Variants in ARMC3 observed in about 807,000 individuals in gnomAD.
ARMC3 encodes armadillo repeat-containing protein 3.
Under a neutral mutation model 90.3 loss-of-function variants are expected in ARMC3, and 74 were observed. The observed-to-expected ratio is 0.82, with a 90% CI of 0.68 to 0.99. ARMC3 has a LOEUF of 0.99. Ranked by LOEUF, ARMC3 falls within the 50% of genes least tolerant of loss-of-function variation. The pLI is 0.00. For missense variants in ARMC3, 958 were observed against 1,042.8 expected, an observed-to-expected ratio of 0.92 and a Z score of 1.12; for synonymous variants, 334 against 361.8, an observed-to-expected ratio of 0.92 and a Z score of 0.87.
rs1014974459 is a variant in ARMC3 at position 22,932,009 on chromosome 10, A to G, written c.13A>G (p.Ile5Val). MGKKIKKEVEPPPKD... is the reference protein window; with the variant it reads MGKKVKKEVEPPPKD... ...ATCTTTTTCCAGGATGGGTAAAAAG[A>G]TAAAGAAGGAAGTAGAGCCTCCTCC... is the stretch of plus-strand genomic sequence containing the variant. Residue 5 changes from isoleucine (I) to valine (V), a missense_variant, in exon 2 of 19, where the codon ATA becomes GTA. By Grantham distance (29) the Ile-to-Val change is conservative (BLOSUM62 3). Transcript: ENST00000298032. The G allele has an allele frequency of 6.2e-7, 1 of 1,606,472 alleles. No individual in the cohort carries two copies. The highest frequency in any genetic ancestry group is 1.7e-5 in the Admixed American group (1 of 57,626).
At chr10:22,975,033 G>A (rs1835857572) in intron 8 of ARMC3, among the ~76,000 whole-genome samples, 1 of 152,140 alleles carries the variant, frequency 6.6e-6, no homozygotes, top group Non-Finnish European at 1.5e-5. Flanking sequence ...GTTTCAGTGT[G>A]TGCTGTCAAT....
Position 22,976,256 on chromosome 10 carries a change from C to T in ARMC3, c.917-5084C>T, listed in dbSNP as rs542143174. On this transcript the variant is annotated intron_variant, in intron 8 of 18. Transcript: ENST00000298032. ...CCTCTTTTTCTCCTTTTCTTATCAA[C>T]CTCTTTGACAGATCAGTCCATTTTA... Among the ~76,000 whole-genome samples the T allele has an allele frequency of 1.3e-5, 2 of 152,294 alleles. 1 individual carries two copies. The highest frequency in any genetic ancestry group is 4.1e-4 in the South Asian group (2 of 4,826).
intron 2 of ARMC3, among the ~76,000 whole-genome samples, chr10:22,939,560 T>C (rs879876205): frequency 5.3e-5 from 8 of 152,180 alleles, no homozygotes; most frequent in Admixed American, 2.6e-4. Flanking sequence ...GTTTCTCTAG[T>C]CCTGCCCTAC....
At chr10:23,017,010 A>G (rs1412719008) in intron 16 of ARMC3, among the ~76,000 whole-genome samples, 1 of 152,114 alleles carries the variant, frequency 6.6e-6, no homozygotes, top group African/African-American at 2.4e-5. Flanking sequence ...CTTCTAATTG[A>G]CCTTCCTAGT....
chr10:23,001,911 G>T lies in ARMC3; in HGVS notation c.1426-8G>T, dbSNP rs1049294459. 2.0e-5 allele frequency: 33 copies of T among 1,612,698 alleles called. No individual in the cohort carries two copies. Among genetic ancestry groups the T allele is most frequent in the Non-Finnish European group, 2.6e-5 (31 of 1,179,436 alleles). On this transcript the variant is annotated splice_polypyrimidine_tract_variant and splice_region_variant and intron_variant, in intron 11 of 18. Coordinates refer to ENST00000298032, the MANE Select transcript of ARMC3 (RefSeq NM_173081.5). The stretch of plus-strand genomic sequence containing the variant: ...CTTAATGTGTAACATTTTGGTTTCT[G>T]CTTTTAGTTAAGAAATTCTGGTGGA...
intron 10 of ARMC3, among the ~76,000 whole-genome samples, chr10:22,989,097 C>CA (rs1409225788): frequency 1.2e-4 from 18 of 151,758 alleles, no homozygotes; most frequent in African/African-American, 4.3e-4. Flanking sequence ...GGGGGAGGGG[C>CA]AAAAAAGGTA....
intron 13 of ARMC3, 31 bp from the exon 14 acceptor site, chr10:23,006,853 A>T: frequency 6.3e-7 from 1 of 1,593,272 alleles, no homozygotes; most frequent in Non-Finnish European, 8.6e-7. Flanking sequence ...CCCTGCAGAT[A>T]CTACTTTTTG....
intron 2 of ARMC3, among the ~76,000 whole-genome samples, chr10:22,935,355 T>C (rs1377838021): frequency 1.3e-5 from 2 of 152,302 alleles, no homozygotes; most frequent in Admixed American, 6.5e-5. Context: ...AACACTACTA[T>C]GGACTTTAAA....
chr10:22,929,741 G>C (rs1833859707), intron 1 of ARMC3, among the ~76,000 whole-genome samples: 1 of 152,172 alleles, frequency 6.6e-6, no homozygotes, highest in Non-Finnish European at 1.5e-5. Flanking sequence ...AGTAGAGACA[G>C]AGTTTTGCCA....
At chr10:22,972,786 G>A (rs897558283) in intron 8 of ARMC3, among the ~76,000 whole-genome samples, 3 of 152,058 alleles carry the variant, frequency 2.0e-5, no homozygotes, top group Non-Finnish European at 2.9e-5. Context: ...TAAGTATTAC[G>A]AAAGCTATTT....
chr10:22,971,901 G>A (rs1365835442), intron 8 of ARMC3, among the ~76,000 whole-genome samples: 1 of 152,090 alleles, frequency 6.6e-6, no homozygotes, highest in Non-Finnish European at 1.5e-5. Flanking sequence ...ATGGGCGTGA[G>A]GTGCTATCTC....
rs1564353675 is a variant in ARMC3, at chr10:22,959,537, A to G, written c.500A>G (p.Lys167Arg). ...CTGAGTAGCCCTGACCCGGATGTAA[A>G]GAAGAACTCTATGGAATGCATTTAC... ...RLLSSPDPDV[K>R]KNSMECIYNL... The change falls in exon 6 of 19, where the codon AAG (lysine) becomes AGG (arginine). Residue 167 changes from lysine (K) to arginine (R), a missense_variant. Lys to Arg is a conservative substitution (Grantham distance 26). Transcript: ENST00000298032. 2 of 1,610,490 alleles carry G rather than the reference A, an allele frequency of 1.2e-6. No individual in the cohort carries two copies. The highest frequency in any genetic ancestry group is 1.3e-5 in the African/African-American group (1 of 74,856).
At chr10:23,005,654 T>A (rs893369456) in intron 13 of ARMC3, among the ~76,000 whole-genome samples, 1 of 152,006 alleles carries the variant, frequency 6.6e-6, no homozygotes, top group African/African-American at 2.4e-5. Flanking sequence ...CACCTGAGGT[T>A]AGGAGTTGGA....
chr10:22,947,752 G>A (rs959374898), intron 3 of ARMC3, among the ~76,000 whole-genome samples: 2 of 152,140 alleles, frequency 1.3e-5, no homozygotes, highest in African/African-American at 4.8e-5. Flanking sequence ...TGGGTCTGAG[G>A]TATGTGCAAA....
At chr10:22,956,069 A>G (rs1423780221) in intron 4 of ARMC3, 137 bp downstream of exon 4, 2 of 780,632 alleles carry the variant, frequency 2.6e-6, no homozygotes, top group Non-Finnish European at 3.8e-6. Context: ...TATCAGTATA[A>G]TGCAGCAAAT....
At position 23,030,631 on chromosome 10, in the gene ARMC3, A is replaced by G; in HGVS notation, c.2081A>G (p.Lys694Arg). 6.2e-7 allele frequency: 1 copy of G among 1,613,668 alleles called. No homozygotes were observed. The highest frequency in any genetic ancestry group is 8.5e-7 in the Non-Finnish European group (1 of 1,179,802). ...SKGKKEEEKVKEEEEVMVVPK... is the reference protein window; with the variant it reads ...SKGKKEEEKVREEEEVMVVPK... ...GGAAAAAAAGAAGAGGAAAAAGTGAAAGAGGAGGAAGAGGTTATGGTGGTA... is the reference window on the plus strand; with the variant it reads ...GGAAAAAAAGAAGAGGAAAAAGTGAGAGAGGAGGAAGAGGTTATGGTGGTA... Residue 694 changes from lysine (K) to arginine (R), a missense_variant, in exon 17 of 19, where the codon AAA becomes AGA. Lys to Arg is a conservative substitution (Grantham distance 26, BLOSUM62 2). Transcript: ENST00000298032.
intron 16 of ARMC3, among the ~76,000 whole-genome samples, chr10:23,024,922 A>G (rs1292815642): frequency 6.6e-6 from 1 of 152,200 alleles, no homozygotes; most frequent in Non-Finnish European, 1.5e-5. Context: ...TGTAAACATT[A>G]ACTTTTTATG....
In ARMC3 at chr10:23,006,918, A is replaced by C; in HGVS notation, c.1766A>C (p.Glu589Ala). The change falls in exon 14 of 19, where the codon GAG becomes GCG. Residue 589 changes from glutamate (E) to alanine (A), a missense_variant. Physicochemically the swap from Glu to Ala is moderately radical, Grantham distance 107. Transcript: ENST00000298032. ...NPGTKLLPLKELCLQEPSDLR... is the reference protein window; with the variant it reads ...NPGTKLLPLKALCLQEPSDLR... Reference sequence around the variant, plus strand: ...GGCACCAAACTGTTGCCTTTGAAGGAGCTCTGCTTACAAGAACCAAGTGAC... The same window carrying C: ...GGCACCAAACTGTTGCCTTTGAAGGCGCTCTGCTTACAAGAACCAAGTGAC... The C allele has an allele frequency of 1.2e-6, 2 of 1,614,040 alleles. No individual in the cohort carries two copies. Among genetic ancestry groups the C allele is most frequent in the Non-Finnish European group, 1.7e-6 (2 of 1,179,954 alleles).
chr10:22,972,745 T>C (rs1835729601), intron 8 of ARMC3, among the ~76,000 whole-genome samples: 1 of 152,194 alleles, frequency 6.6e-6, no homozygotes, highest in Non-Finnish European at 1.5e-5. Context: ...GACTTCCTCT[T>C]GTTTATTATA....
Sources: allele counts gnomAD v4.1 joint callset (sites outside exome capture counted in the v4.1 genomes callset), GRCh38; gene constraint gnomAD v4.1.1; transcripts MANE v1.5; gene names NCBI Gene and HGNC (gene_info 2026-07-23, HGNC 2026-07-21).